The following MAOB variants were observed in gnomAD, a reference collection of about 807,000 sequenced individuals.
The protein encoded by MAOB is amine oxidase [flavin-containing] B.
In MAOB, 15 loss-of-function variants were observed where a neutral mutation model predicts 41.9. The ratio of observed to expected loss-of-function variants is 0.36; its 90% confidence interval spans 0.24 to 0.55. MAOB has a LOEUF of 0.55. Among genes scored for constraint, MAOB ranks in the 20% least tolerant of loss-of-function variants. MAOB has a pLI of 0.86. For synonymous variants in MAOB, 167 were observed against 144.2 expected, an observed-to-expected ratio of 1.16 and a Z score of -1.13; for missense variants, 345 against 398.7, an observed-to-expected ratio of 0.87 and a Z score of 1.15.
At chrX:43,785,511 A>G (rs2147127649) in intron 8 of MAOB, among the ~76,000 whole-genome samples, 1 of 112,789 alleles carries the variant, frequency 8.9e-6, no homozygotes, top group East Asian at 2.8e-4. Context: ...ACTGGAGTGC[A>G]CTTTTAATTT....
At chrX:43,870,794 CAAAAAAAAAAA>C (rs763016344) in intron 1 of MAOB, among the ~76,000 whole-genome samples, 3 of 21,935 alleles carry the variant, frequency 1.4e-4, no homozygotes, top group Non-Finnish European at 2.3e-4. Flanking sequence ...GACTCCACCT[CAAAAAAAAAAA>C]AAAAAAAAAA....
chrX:43,851,002 T>C (rs1315580382), intron 1 of MAOB, among the ~76,000 whole-genome samples: 1 of 112,314 alleles, frequency 8.9e-6, no homozygotes, highest in Non-Finnish European at 1.9e-5. Context: ...GAGTCTTGTT[T>C]AATAACCAAG....
intron 3 of MAOB, among the ~76,000 whole-genome samples, chrX:43,805,371 ACCTATGTAACTAC>A (rs1444151718): frequency 1.8e-5 from 2 of 111,740 alleles, no homozygotes; most frequent in African/African-American, 6.5e-5. Flanking sequence ...ACATGTGTAC[ACCTATGTAACTAC>A]CACTCCAATC....
chrX:43,847,792 T>C (rs2035218400), intron 1 of MAOB, among the ~76,000 whole-genome samples: 1 of 112,314 alleles, frequency 8.9e-6, no homozygotes, highest in African/African-American at 3.2e-5. Flanking sequence ...AAAAAGCTAA[T>C]GACACTTGAA....
intron 7 of MAOB, among the ~76,000 whole-genome samples, chrX:43,794,330 AG>A (rs2147133313): frequency 9.0e-6 from 1 of 111,048 alleles, no homozygotes; most frequent in Non-Finnish European, 1.9e-5. Context: ...CTTCTCAGTG[AG>A]GCCTTCCCTG....
At chrX:43,808,097 C>T (rs2034691567) in intron 3 of MAOB, among the ~76,000 whole-genome samples, 1 of 111,007 alleles carries the variant, frequency 9.0e-6, no homozygotes, top group Admixed American at 9.6e-5. Flanking sequence ...AGAACCAAAT[C>T]AAGATGCACA....
At chrX:43,776,389 C>A (rs1357353329) in intron 11 of MAOB, among the ~76,000 whole-genome samples, 1 of 112,240 alleles carries the variant, frequency 8.9e-6, no homozygotes, top group Non-Finnish European at 1.9e-5. Context: ...CAGCCTTTTT[C>A]AAAATATGAG....
At chrX:43,852,478 G>A (rs779045363) in intron 1 of MAOB, among the ~76,000 whole-genome samples, 6 of 111,609 alleles carry the variant, frequency 5.4e-5, no homozygotes, top group Non-Finnish European at 1.1e-4. Flanking sequence ...ATGGAGAGAG[G>A]GATAAATAGT....
intron 3 of MAOB, among the ~76,000 whole-genome samples, chrX:43,816,959 G>A (rs1207761360): frequency 9.0e-6 from 1 of 111,316 alleles, no homozygotes; most frequent in Non-Finnish European, 1.9e-5. Flanking sequence ...ATGAGCTTCA[G>A]AAGCTTCCAA....
intron 3 of MAOB, among the ~76,000 whole-genome samples, chrX:43,811,445 C>T (rs1266003015): frequency 1.8e-5 from 2 of 111,290 alleles, no homozygotes; most frequent in African/African-American, 6.5e-5. Context: ...CAGGGTAAGC[C>T]ACCTTCCCCT....
At chrX:43,810,875 T>C (rs905741078) in intron 3 of MAOB, among the ~76,000 whole-genome samples, 3 of 112,026 alleles carry the variant, frequency 2.7e-5, no homozygotes, top group Non-Finnish European at 3.8e-5. Context: ...TTGCTGATGG[T>C]TTTGTGATCA....
intron 5 of MAOB, among the ~76,000 whole-genome samples, chrX:43,801,136 T>A (rs2034588341): frequency 3.7e-5 from 4 of 109,073 alleles, no homozygotes; most frequent in Non-Finnish European, 5.7e-5. Context: ...CTTTTTTTTT[T>A]TTATTATTAT....
chrX:43,865,210 T>C (rs1372602858), intron 1 of MAOB, among the ~76,000 whole-genome samples: 4 of 112,227 alleles, frequency 3.6e-5, no homozygotes, highest in Non-Finnish European at 7.5e-5. Context: ...TAGAATATTA[T>C]TTGGCCTTAA....
At chrX:43,850,694 T>A (rs919845875) in intron 1 of MAOB, among the ~76,000 whole-genome samples, 11 of 112,320 alleles carry the variant, frequency 9.8e-5, no homozygotes, top group Non-Finnish European at 1.7e-4. Flanking sequence ...TTTGCTCTCT[T>A]TCCTCTAAGA....
intron 3 of MAOB, among the ~76,000 whole-genome samples, chrX:43,829,594 G>C (rs1321444461): frequency 8.9e-6 from 1 of 111,733 alleles, no homozygotes; most frequent in Non-Finnish European, 1.9e-5. Flanking sequence ...ATCTCCCTGT[G>C]TACCTAGGAT....
chrX:43,798,208 A>G (rs773150896), intron 5 of MAOB, among the ~76,000 whole-genome samples: 24 of 112,076 alleles, frequency 2.1e-4, no homozygotes, highest in African/African-American at 6.8e-4. Flanking sequence ...ATATCAACCT[A>G]TGAGAACAAG....
At chrX:43,869,579 C>T (rs1380039399) in intron 1 of MAOB, among the ~76,000 whole-genome samples, 6 of 111,903 alleles carry the variant, frequency 5.4e-5, no homozygotes, top group African/African-American at 2.0e-4. Context: ...GACTTTTCTG[C>T]CAATCTCTAA....
rs183575352 is a variant in MAOB at position 43,813,314 on chromosome X, G to A, written c.280-9910C>T. Among the ~76,000 whole-genome samples, 6 of 112,279 alleles carry A rather than the reference G, an allele frequency of 5.3e-5. No individual in the cohort carries two copies. The East Asian group carries it at 1.7e-3, about 31-fold the overall frequency. On this transcript the variant is annotated intron_variant, in intron 3 of 14. Coordinates refer to ENST00000378069, the MANE Select transcript of MAOB (RefSeq NM_000898.5). ...AAGCTGCTGATAGTTTCATCTTGCA[G>A]TTGAGTTTCATAGCACATAGGGTTG...
intron 1 of MAOB, among the ~76,000 whole-genome samples, chrX:43,849,976 A>C (rs1413715678): frequency 1.8e-5 from 2 of 112,618 alleles, no homozygotes; most frequent in Non-Finnish European, 3.8e-5. Flanking sequence ...ACAGTCAGCC[A>C]ACAGTAATAA....
Sources: allele counts gnomAD v4.1 joint callset (sites outside exome capture counted in the v4.1 genomes callset), GRCh38; gene constraint gnomAD v4.1.1; transcripts MANE v1.5; gene names NCBI Gene and HGNC (gene_info 2026-07-23, HGNC 2026-07-21).